Variants in ARHGEF10 observed in about 807,000 individuals in gnomAD.
ARHGEF10 encodes Rho guanine nucleotide exchange factor 10.
Under a neutral mutation model 147.4 loss-of-function variants are expected in ARHGEF10, and 140 were observed. That is an observed-to-expected ratio of 0.95 (90% CI 0.83 to 1.09). The LOEUF is 1.09. Among genes scored for constraint, ARHGEF10 ranks in the 50% least tolerant of loss-of-function variants. The pLI is 0.00. For missense variants in ARHGEF10, 2,222 were observed against 1,752.7 expected (o/e 1.27, Z -4.78); for synonymous variants, 902 against 695.8 (o/e 1.30, Z -4.67).
In ARHGEF10 at chr8:1,880,154, A is replaced by G. The variant is rs773272031; in HGVS notation, c.950A>G (p.His317Arg). 3.1e-6 allele frequency: 5 copies of G among 1,612,520 alleles called. No homozygotes were observed. The African/African-American group carries it at 6.7e-5, about 22-fold the overall frequency. The change falls in exon 9 of 29, where the codon CAT becomes CGT. Residue 317 changes from histidine to arginine, a missense_variant. Coordinates refer to ENST00000349830, the MANE Select transcript of ARHGEF10 (RefSeq NM_014629.4). ...GAGATTCAGCAGCTCAGGCAGAAGCATGAACTGAAGGTAGAGTCTTGCCCC... is the reference window on the plus strand; with the variant it reads ...GAGATTCAGCAGCTCAGGCAGAAGCGTGAACTGAAGGTAGAGTCTTGCCCC... ...VVEIQQLRQKHELKMQKLVKA... is the reference protein window; with the variant it reads ...VVEIQQLRQKRELKMQKLVKA...
At chr8:1,878,097 A>G (rs940052155) in intron 8 of ARHGEF10, among the ~76,000 whole-genome samples, 2 of 152,136 alleles carry the variant, frequency 1.3e-5, no homozygotes, top group Non-Finnish European at 2.9e-5. Context: ...ACCCAGTTTC[A>G]TTCACAAGTT....
At chr8:1,938,330 G>A (rs1813790881) in intron 26 of ARHGEF10, among the ~76,000 whole-genome samples, 1 of 152,168 alleles carries the variant, frequency 6.6e-6, no homozygotes, top group African/African-American at 2.4e-5. Flanking sequence ...CAGGTTTCTT[G>A]CTTAGAGCCT....
At chr8:1,833,400 A>G (rs373061753) in intron 1 of ARHGEF10, among the ~76,000 whole-genome samples, 1 of 46,586 alleles carries the variant, frequency 2.1e-5, no homozygotes, top group Non-Finnish European at 4.6e-5. Flanking sequence ...ACAGGGGCAG[A>G]GACAGAGACA....
At chr8:1,891,508 C>T (rs1809523914) in intron 11 of ARHGEF10, among the ~76,000 whole-genome samples, 2 of 152,134 alleles carry the variant, frequency 1.3e-5, no homozygotes, top group Non-Finnish European at 2.9e-5. Context: ...TGTCCCGTCC[C>T]CATTCCCGGT....
upstream of ARHGEF10, among the ~76,000 whole-genome samples, chr8:1,823,758 G>T (rs377727291): frequency 3.3e-5 from 5 of 151,860 alleles, no homozygotes; most frequent in Non-Finnish European, 7.4e-5. Context: ...TGGGCCGGGC[G>T]TTGGGCAGCG....
chr8:1,923,112 G>A, intron 19 of ARHGEF10, 33 bp downstream of exon 19: 1 of 1,464,602 alleles, frequency 6.8e-7, no homozygotes, highest in South Asian at 1.1e-5. Context: ...TTAAGATTCT[G>A]CCTTTACTTA....
intron 11 of ARHGEF10, among the ~76,000 whole-genome samples, chr8:1,888,572 G>C (rs553261545): frequency 7.3e-6 from 1 of 137,146 alleles, no homozygotes; most frequent in Non-Finnish European, 1.5e-5. Context: ...GAGACACTGA[G>C]TGGGGTGTGA....
In ARHGEF10 at chr8:1,957,758, T is replaced by G. The variant is rs541952722; in HGVS notation, c.*495T>G. On this transcript the variant is annotated 3_prime_UTR_variant, in exon 29 of 29. Coordinates refer to ENST00000349830, the MANE Select transcript of ARHGEF10 (RefSeq NM_014629.4). ...TTTTTGAATTTCAGAGTAAAATTTG[T>G]TAACAATTTTAAAAGCCAGGTAACA... The G allele has an allele frequency of 6.1e-6, 1 of 162,852 alleles. No homozygotes were observed. The highest frequency in any genetic ancestry group is 1.7e-4 in the South Asian group (1 of 5,936). The allele number at this position is 162,852 out of a possible 1,614,324, so 10.1% of individuals were successfully genotyped here. A position where few individuals can be genotyped will look rare whatever the true frequency, so the allele number is the denominator to read the frequency against.
In ARHGEF10 at chr8:1,923,876, T is replaced by G. The variant is rs1812483101; in HGVS notation, c.2488+2T>G. 6.2e-7 allele frequency: 1 copy of G among 1,613,886 alleles called. No individual in the cohort carries two copies. Among genetic ancestry groups the G allele is most frequent in the Non-Finnish European group, 8.5e-7 (1 of 1,179,814 alleles). ...TACAGATGGCCAAGCTCGCCCTAGG[T>G]AAGGCCTGGCTGGCTGAGGCTGAAT... On this transcript the variant is annotated splice_donor_variant, in intron 21 of 28. Coordinates refer to ENST00000349830, the MANE Select transcript of ARHGEF10 (RefSeq NM_014629.4). LOFTEE classifies it high-confidence loss of function.
At chr8:1,920,231 T>C (rs1257069195) in intron 18 of ARHGEF10, among the ~76,000 whole-genome samples, 1 of 152,212 alleles carries the variant, frequency 6.6e-6, no homozygotes, top group East Asian at 1.9e-4. Context: ...AATAGAAGGG[T>C]CAATTTGATT....
chr8:1,945,716 C>T lies in ARHGEF10; in HGVS notation c.3397+61C>T, dbSNP rs1053583166. The T allele has an allele frequency of 9.4e-6, 15 of 1,603,220 alleles. No homozygotes were observed. In the African/African-American group the frequency reaches 1.1e-4, roughly 11 times the overall value. ...CAACCGGGGACGGACGTGGGGGGTG[C>T]GGAGCGCTGTCAGCCCACCTTAGCG... On this transcript the variant is annotated intron_variant, in intron 27 of 28. Coordinates refer to ENST00000349830, the MANE Select transcript of ARHGEF10 (RefSeq NM_014629.4).
intron 11 of ARHGEF10, among the ~76,000 whole-genome samples, chr8:1,888,079 G>A (rs1194158395): frequency 7.2e-6 from 1 of 139,134 alleles, no homozygotes; most frequent in African/African-American, 2.7e-5. Context: ...GGTTTATGAG[G>A]AGACACTAGG....
At chr8:1,941,798 T>A (rs1021624186) in intron 26 of ARHGEF10, among the ~76,000 whole-genome samples, 1 of 152,190 alleles carries the variant, frequency 6.6e-6, no homozygotes, top group Non-Finnish European at 1.5e-5. Flanking sequence ...ACCACGTGTG[T>A]CTATGTTCAC....
chr8:1,880,632 C>T (rs1452309001), intron 9 of ARHGEF10, among the ~76,000 whole-genome samples: 3 of 152,072 alleles, frequency 2.0e-5, no homozygotes, highest in Admixed American at 6.5e-5. Flanking sequence ...TAAACAAAAG[C>T]CATTTGGGCT....
chr8:1,878,490 T>A (rs1807900121), intron 8 of ARHGEF10, among the ~76,000 whole-genome samples: 1 of 152,144 alleles, frequency 6.6e-6, no homozygotes, highest in East Asian at 1.9e-4. Context: ...CGGCCTGCAA[T>A]TGTAGTTTTT....
intron 10 of ARHGEF10, among the ~76,000 whole-genome samples, chr8:1,884,076 G>T (rs1212143881): frequency 1.3e-5 from 2 of 152,198 alleles, no homozygotes; most frequent in Admixed American, 1.3e-4. Context: ...TTGCGGGTCA[G>T]TTGTAGAGAT....
chr8:1,923,435 C>T (rs1404246606), intron 19 of ARHGEF10, 33 bp from the exon 20 acceptor site: 2 of 1,614,086 alleles, frequency 1.2e-6, no homozygotes, highest in Non-Finnish European at 8.5e-7. Flanking sequence ...TTTTTAAACA[C>T]TTTTGAAATG....
intron 7 of ARHGEF10, chr8:1,870,668 A>AT (rs1368209879): frequency 6.6e-6 from 1 of 152,236 alleles, no homozygotes; most frequent in Non-Finnish European, 1.5e-5. Context: ...AGGAAGATAT[A>AT]TAACAGTTCT....
intron 7 of ARHGEF10, among the ~76,000 whole-genome samples, chr8:1,875,045 G>T (rs367717961): frequency 1.5e-4 from 5 of 32,644 alleles, no homozygotes; most frequent in Admixed American, 3.6e-4. Flanking sequence ...TCTAAGACAG[G>T]CTGGAGGAAC....
Sources: allele counts gnomAD v4.1 joint callset (sites outside exome capture counted in the v4.1 genomes callset), GRCh38; gene constraint gnomAD v4.1.1; transcripts MANE v1.5; gene names NCBI Gene and HGNC (gene_info 2026-07-23, HGNC 2026-07-21).